DNAH2: variants seen among roughly 807,000 people sequenced by gnomAD.
DNAH2 encodes axonemal beta dynein heavy chain 2.
Under a neutral mutation model 523.5 loss-of-function variants are expected in DNAH2, and 323 were observed. The observed-to-expected ratio is 0.62, with a 90% CI of 0.56 to 0.68. DNAH2 has a LOEUF of 0.68. Ranked by LOEUF, DNAH2 falls within the 30% of genes least tolerant of loss-of-function variation. The pLI, the probability that DNAH2 is intolerant of heterozygous loss-of-function variation, is 0.00. For synonymous variants in DNAH2, 2,093 were observed against 2,177.4 expected (o/e 0.96, Z 1.08); for missense variants, 4,907 against 5,701.5 (o/e 0.86, Z 4.49).
intron 12 of DNAH2, among the ~76,000 whole-genome samples, chr17:7,750,842 TCATTCTTGGA>T (rs2075661723): frequency 6.6e-6 from 1 of 152,222 alleles, no homozygotes; most frequent in Non-Finnish European, 1.5e-5. Flanking sequence ...GAAAATCATT[TCATTCTTGGA>T]GGATTCTTCT....
At chr17:7,826,821 T>C (rs766522291) in intron 77 of DNAH2, among the ~76,000 whole-genome samples, 12 of 152,004 alleles carry the variant, frequency 7.9e-5, no homozygotes, top group Non-Finnish European at 1.6e-4. Context: ...ATTACAGGCA[T>C]GAGTCACCGC....
At chr17:7,729,067 G>A (rs1196767073) in intron 4 of DNAH2, among the ~76,000 whole-genome samples, 1 of 151,654 alleles carries the variant, frequency 6.6e-6, no homozygotes, top group Non-Finnish European at 1.5e-5. Flanking sequence ...CTGATAAAAT[G>A]AGCAAAAAGT....
intron 11 of DNAH2, 82 bp downstream of exon 11, chr17:7,741,074 A>G: frequency 6.7e-7 from 1 of 1,500,012 alleles, no homozygotes; most frequent in Non-Finnish European, 8.9e-7. Flanking sequence ...AGGTTCCCCA[A>G]AGAGTCTTCA....
chr17:7,820,230 C>G (rs2077816258), intron 72 of DNAH2, among the ~76,000 whole-genome samples: 1 of 152,192 alleles, frequency 6.6e-6, no homozygotes, highest in Non-Finnish European at 1.5e-5. Flanking sequence ...AGTTCTGGCC[C>G]TGGTGATCCT....
At chr17:7,823,157 G>A (rs1251119663) in intron 73 of DNAH2, among the ~76,000 whole-genome samples, 1 of 152,022 alleles carries the variant, frequency 6.6e-6, no homozygotes, top group Non-Finnish European at 1.5e-5. Context: ...AGCCAGGTGT[G>A]GTGGCGAGCA....
chr17:7,815,603 T>C (rs1251950805), intron 63 of DNAH2, among the ~76,000 whole-genome samples: 1 of 142,196 alleles, frequency 7.0e-6, no homozygotes, highest in African/African-American at 2.7e-5. Context: ...CAGGATCACA[T>C]ACACATACAG....
chr17:7,797,614 G>A (rs1413384868), intron 52 of DNAH2, 66 bp from the exon 53 acceptor site: 11 of 1,613,720 alleles, frequency 6.8e-6, no homozygotes. Context: ...GGTCTGAAGT[G>A]TGGAGCCCTG....
intron 77 of DNAH2, among the ~76,000 whole-genome samples, chr17:7,829,029 TA>T (rs1305260657): frequency 1.5e-5 from 2 of 134,190 alleles, no homozygotes; most frequent in East Asian, 2.8e-4. Flanking sequence ...TTATTATTAT[TA>T]TTTTTTTTTT....
chr17:7,805,022 A>G lies in DNAH2; in HGVS notation c.9248A>G (p.Asn3083Ser). The stretch of plus-strand genomic sequence containing the variant: ...ATCAAGTGTCAGGCACTGGCTGACA[A>G]TGCCCAGAAAGATCTAGAAGAGGCA... Reference protein sequence around the residue: ...EEIKCQALADNAQKDLEEALP... With the variant: ...EEIKCQALADSAQKDLEEALP... The change falls in exon 60 of 86, where the codon AAT becomes AGT. Residue 3083 changes from asparagine to serine, a missense_variant. Physicochemically the swap from Asn to Ser is conservative, Grantham distance 46 (BLOSUM62 1). Coordinates refer to ENST00000572933, the MANE Select transcript of DNAH2 (RefSeq NM_020877.5). The G allele has an allele frequency of 1.9e-6, 3 of 1,614,180 alleles. No homozygotes were observed. The highest frequency in any genetic ancestry group is 2.5e-6 in the Non-Finnish European group (3 of 1,180,034).
At chr17:7,748,363 T>C (rs929948141) in intron 12 of DNAH2, among the ~76,000 whole-genome samples, 1 of 152,164 alleles carries the variant, frequency 6.6e-6, no homozygotes. Context: ...GAGTGCCTTT[T>C]CCCCCCGGGT....
chr17:7,780,814 T>C lies in DNAH2; in HGVS notation c.6003+32T>C. The C allele has an allele frequency of 6.2e-7, 1 of 1,613,694 alleles. No individual in the cohort carries two copies. The highest frequency in any genetic ancestry group is 8.5e-7 in the Non-Finnish European group (1 of 1,179,888). ...CAAGGACACAGCCTTTGGACCTGAC[T>C]TCCACTGTCACTGGACCTATGTCAC... On this transcript the variant is annotated intron_variant, in intron 38 of 85. Coordinates refer to ENST00000572933, the MANE Select transcript of DNAH2 (RefSeq NM_020877.5). The surrounding 1 kb of genome is among the most constrained non-coding windows in gnomAD (Gnocchi z 4.4).
At chr17:7,830,179 A>G in intron 77 of DNAH2, 121 bp from the exon 78 acceptor site, 1 of 1,051,578 alleles carries the variant, frequency 9.5e-7, no homozygotes, top group Non-Finnish European at 1.4e-6. Flanking sequence ...TTCAGCCTCC[A>G]CTCACCCTTT....
chr17:7,768,103 G>A, intron 23 of DNAH2, 42 bp downstream of exon 23: 1 of 1,614,132 alleles, frequency 6.2e-7, no homozygotes, highest in Middle Eastern at 1.6e-4. Context: ...AGCTGGTGGA[G>A]GATCTGGGTC....
At position 7,767,254 on chromosome 17, in the gene DNAH2, G is replaced by A. The variant is rs1051101813; in HGVS notation, c.3676-646G>A. Among the ~76,000 whole-genome samples the A allele has an allele frequency of 1.1e-4, 17 of 152,092 alleles. 1 individual carries two copies. Among genetic ancestry groups the A allele is most frequent in the Admixed American group, 9.2e-4 (14 of 15,256 alleles). ...GTCTTCAAGGTTCATCCATGGTGTG[G>A]CATGGATCAGTACTTTTTTAAATGG... On this transcript the variant is annotated intron_variant, in intron 22 of 85. Coordinates refer to ENST00000572933, the MANE Select transcript of DNAH2 (RefSeq NM_020877.5).
Position 7,786,054 on chromosome 17 carries a change from G to A in DNAH2, c.6130-70G>A. On this transcript the variant is annotated intron_variant, in intron 39 of 85. Transcript: ENST00000572933. The surrounding 1 kb of genome is among the most constrained non-coding windows in gnomAD (Gnocchi z 7.5). Reference sequence around the variant, plus strand: ...TTTGAACGTATTCTCTCTGGCACCGGGGAGATTTTGAAAGCCCTTTAAAGG... The same window carrying A: ...TTTGAACGTATTCTCTCTGGCACCGAGGAGATTTTGAAAGCCCTTTAAAGG... 1 of 1,521,998 alleles carries A rather than the reference G, an allele frequency of 6.6e-7. No homozygotes were observed. Among genetic ancestry groups the A allele is most frequent in the Non-Finnish European group, 9.1e-7 (1 of 1,104,620 alleles). The allele number at this position is 1,521,998 out of a possible 1,614,324, so 94.3% of individuals were successfully genotyped here.
intron 8 of DNAH2, 122 bp downstream of exon 8, chr17:7,737,380 T>C (rs1376682625): frequency 9.3e-7 from 1 of 1,074,862 alleles, no homozygotes; most frequent in Admixed American, 2.4e-5. Flanking sequence ...GCCCTTCTGC[T>C]CAGAGACTGA....
intron 45 of DNAH2, 50 bp from the exon 46 acceptor site, chr17:7,792,202 G>A: frequency 6.2e-7 from 1 of 1,606,244 alleles, no homozygotes; most frequent in East Asian, 2.2e-5. Context: ...CTCTGGGCTG[G>A]AGAAGGCTCA....
chr17:7,822,964 C>T (rs1173125799), intron 73 of DNAH2, among the ~76,000 whole-genome samples: 1 of 152,050 alleles, frequency 6.6e-6, no homozygotes, highest in Non-Finnish European at 1.5e-5. Flanking sequence ...ACGTTTATTC[C>T]CCAGGATCCC....
chr17:7,747,967 T>G lies in DNAH2; in HGVS notation c.1904+4825T>G, dbSNP rs966407100. Among the ~76,000 whole-genome samples, 5 of 152,230 alleles carry G rather than the reference T, an allele frequency of 3.3e-5. No individual in the cohort carries two copies. In the South Asian group the frequency reaches 1.0e-3, roughly 32 times the overall value. Reference sequence around the variant, plus strand: ...AGATAACTTTATCAGATTTGCTCTTTGTGTTCAAGCTCCAGTTAAGATCTT... The same window carrying G: ...AGATAACTTTATCAGATTTGCTCTTGGTGTTCAAGCTCCAGTTAAGATCTT... On this transcript the variant is annotated intron_variant, in intron 12 of 85. Transcript: ENST00000572933.
Sources: allele counts gnomAD v4.1 joint callset (sites outside exome capture counted in the v4.1 genomes callset), GRCh38; gene constraint gnomAD v4.1.1; non-coding constraint Gnocchi (gnomAD v3.1); transcripts MANE v1.5; gene names NCBI Gene and HGNC (gene_info 2026-07-23, HGNC 2026-07-21).